Variants in TENM4 observed in about 807,000 individuals in gnomAD.
TENM4 encodes teneurin transmembrane protein 4, also known as teneurin-4.
Under a neutral mutation model 243.3 loss-of-function variants are expected in TENM4, and 82 were observed. That is an observed-to-expected ratio of 0.34 (90% CI 0.28 to 0.40). The LOEUF is 0.40. Ranked by LOEUF, TENM4 falls within the 10% of genes least tolerant of loss-of-function variation. The probability of loss-of-function intolerance (pLI) is 1.00; values close to 1 mark genes in which losing one functional copy is unlikely to be tolerated. For synonymous variants in TENM4, 1,412 were observed against 1,456.3 expected, an observed-to-expected ratio of 0.97 and a Z score of 0.69; for missense variants, 3,138 against 3,673.3, an observed-to-expected ratio of 0.85 and a Z score of 3.77.
At chr11:79,339,775 G>A (rs1857212125) in intron 1 of TENM4, among the ~76,000 whole-genome samples, 1 of 152,202 alleles carries the variant, frequency 6.6e-6, no homozygotes, top group Admixed American at 6.5e-5. Context: ...GGAGAAAAGG[G>A]AGGAGAGGGA....
At chr11:79,051,250 G>A (rs1859783902) in intron 6 of TENM4, among the ~76,000 whole-genome samples, 1 of 152,082 alleles carries the variant, frequency 6.6e-6, no homozygotes, top group African/African-American at 2.4e-5. Flanking sequence ...CACACTGTGA[G>A]AGAGATACCA....
At chr11:78,665,497 C>T (rs541793070) in intron 32 of TENM4, among the ~76,000 whole-genome samples, 2 of 152,338 alleles carry the variant, frequency 1.3e-5, no homozygotes, top group Admixed American at 6.5e-5. Context: ...GTCTTGAACT[C>T]CTGACCTCAA....
intron 6 of TENM4, among the ~76,000 whole-genome samples, chr11:78,992,361 A>C (rs1043181590): frequency 6.6e-6 from 1 of 152,242 alleles, no homozygotes; most frequent in Non-Finnish European, 1.5e-5. Context: ...TGAGTAGTCT[A>C]GTTGGCTCAG....
At chr11:79,216,142 G>A (rs922621446) in intron 2 of TENM4, among the ~76,000 whole-genome samples, 1 of 152,156 alleles carries the variant, frequency 6.6e-6, no homozygotes, top group Admixed American at 6.5e-5. Context: ...ACCTTCTTCT[G>A]TTCTCCCATC....
At chr11:79,250,382 G>A (rs1037305713) in intron 2 of TENM4, among the ~76,000 whole-genome samples, 1 of 152,230 alleles carries the variant, frequency 6.6e-6, no homozygotes, top group African/African-American at 2.4e-5. Context: ...CCAGGCTCAG[G>A]TCAGGCATAG....
At chr11:78,666,593 T>C (rs1204077254) in intron 32 of TENM4, among the ~76,000 whole-genome samples, 1 of 152,210 alleles carries the variant, frequency 6.6e-6, no homozygotes, top group Non-Finnish European at 1.5e-5. Flanking sequence ...TAGGTGCCCC[T>C]TGATGGTTGG....
At chr11:79,060,148 T>A (rs1860048872) in intron 6 of TENM4, among the ~76,000 whole-genome samples, 1 of 152,120 alleles carries the variant, frequency 6.6e-6, no homozygotes, top group Non-Finnish European at 1.5e-5. Context: ...CTAAAAAACA[T>A]CTATTGCATG....
chr11:78,775,792 T>G (rs1032237144), intron 17 of TENM4, among the ~76,000 whole-genome samples: 1 of 152,170 alleles, frequency 6.6e-6, no homozygotes, highest in Non-Finnish European at 1.5e-5. Flanking sequence ...TAATGTAATT[T>G]TAAAGTTTAG....
intron 6 of TENM4, among the ~76,000 whole-genome samples, chr11:78,990,247 A>G (rs1386832360): frequency 6.6e-6 from 1 of 152,138 alleles, no homozygotes; most frequent in Non-Finnish European, 1.5e-5. Flanking sequence ...GGTTACTCAG[A>G]CAGAGTGGCT....
chr11:79,363,113 G>A (rs1024155377), intron 1 of TENM4, among the ~76,000 whole-genome samples: 6 of 152,300 alleles, frequency 3.9e-5, no homozygotes, highest in Admixed American at 3.9e-4. Flanking sequence ...TAAATTAACT[G>A]AAAATATATT....
intron 12 of TENM4, among the ~76,000 whole-genome samples, chr11:78,850,264 A>G (rs1858504840): frequency 6.6e-6 from 1 of 152,246 alleles, no homozygotes; most frequent in Non-Finnish European, 1.5e-5. Flanking sequence ...TACACAATAT[A>G]GCCATTTGTG....
chr11:79,107,807 T>C (rs902799807), intron 4 of TENM4, among the ~76,000 whole-genome samples: 1 of 152,172 alleles, frequency 6.6e-6, no homozygotes, highest in African/African-American at 2.4e-5. Context: ...TAATGAACAT[T>C]CCAAGCTTTG....
intron 6 of TENM4, among the ~76,000 whole-genome samples, chr11:79,017,259 A>G (rs1232434170): frequency 6.6e-6 from 1 of 152,212 alleles, no homozygotes; most frequent in Non-Finnish European, 1.5e-5. Flanking sequence ...CTGAAGGAAT[A>G]GTCTAGATAA....
chr11:78,707,434 G>A (rs1859284613), intron 27 of TENM4, among the ~76,000 whole-genome samples: 2 of 152,228 alleles, frequency 1.3e-5, no homozygotes, highest in Admixed American at 1.3e-4. Context: ...ACCTGCAAAT[G>A]TGCAAACTCT....
chr11:78,747,509 C>T (rs560585166), intron 19 of TENM4, among the ~76,000 whole-genome samples: 4 of 152,142 alleles, frequency 2.6e-5, no homozygotes, highest in Non-Finnish European at 4.4e-5. Context: ...AGGCCTGCAG[C>T]GTTAGACCCA....
chr11:79,174,120 A>G (rs1439282419), intron 3 of TENM4, among the ~76,000 whole-genome samples: 1 of 152,220 alleles, frequency 6.6e-6, no homozygotes, highest in African/African-American at 2.4e-5. Context: ...CTTAAAATAA[A>G]AGCAAAATGA....
intron 4 of TENM4, among the ~76,000 whole-genome samples, chr11:79,118,883 T>C (rs1386547543): frequency 6.6e-6 from 1 of 152,216 alleles, no homozygotes; most frequent in Non-Finnish European, 1.5e-5. Flanking sequence ...TATAGACCTC[T>C]CTTTGAGACC....
chr11:78,938,611 AAT>A (rs1295243840), intron 6 of TENM4, among the ~76,000 whole-genome samples: 14 of 152,288 alleles, frequency 9.2e-5, no homozygotes, highest in Admixed American at 1.3e-4. Context: ...ATAATATTTT[AAT>A]AGGAAGGGCA....
intron 15 of TENM4, among the ~76,000 whole-genome samples, chr11:78,801,804 G>A (rs1351631627): frequency 6.6e-6 from 1 of 152,182 alleles, no homozygotes; most frequent in Non-Finnish European, 1.5e-5. Flanking sequence ...TGCAGCTCCT[G>A]ATGGGAGGGA....
Sources: allele counts gnomAD v4.1 joint callset (sites outside exome capture counted in the v4.1 genomes callset), GRCh38; gene constraint gnomAD v4.1.1; transcripts MANE v1.5; gene names NCBI Gene and HGNC (gene_info 2026-07-23, HGNC 2026-07-21).